TEF: variants seen among roughly 807,000 people sequenced by gnomAD.
TEF encodes the protein thyrotroph embryonic factor.
A neutral mutation model predicts 20.8 loss-of-function variants in TEF; 3 were observed. That is an observed-to-expected ratio of 0.14 (90% confidence interval 0.07 to 0.37). The LOEUF is 0.37. Among genes scored for constraint, TEF ranks in the 10% least tolerant of loss-of-function variants. The pLI, the probability that TEF is intolerant of heterozygous loss-of-function variation, is 1.00. For missense variants in TEF, 296 were observed against 397.9 expected (o/e 0.74, Z 2.18); for synonymous variants, 180 against 171.1 (o/e 1.05, Z -0.41).
rs189575842 is a variant in TEF, at chr22:41,395,977, G to A, written c.*17G>A. Reference sequence around the variant, plus strand: ...CCCTTGTAACCCGTGCCCCCCGCCCGGGCGGGGTACTGCCTGCACCTCAGA... The same window carrying A: ...CCCTTGTAACCCGTGCCCCCCGCCCAGGCGGGGTACTGCCTGCACCTCAGA... On this transcript the variant is annotated 3_prime_UTR_variant, in exon 4 of 4. Transcript: ENST00000266304. 63 of 1,603,440 alleles carry A rather than the reference G, an allele frequency of 3.9e-5. 1 individual carries two copies. Among genetic ancestry groups the A allele is most frequent in the Middle Eastern group, 3.3e-4 (2 of 5,986 alleles).
rs1377180152 is a variant in TEF at position 41,394,447 on chromosome 22, G to A, written c.696+131G>A. ...CACCATTTGGAAAGACATGAGTTTAGTGCTTAAAGCCATATCCTTCAGCAG... is the reference window on the plus strand; with the variant it reads ...CACCATTTGGAAAGACATGAGTTTAATGCTTAAAGCCATATCCTTCAGCAG... On this transcript the variant is annotated intron_variant, in intron 3 of 3. Coordinates refer to ENST00000266304, the MANE Select transcript of TEF (RefSeq NM_003216.4). The A allele has an allele frequency of 6.6e-6, 6 of 905,718 alleles. No homozygotes were observed. In the East Asian group the frequency reaches 1.3e-4, roughly 20 times the overall value. The allele number at this position is 905,718 out of a possible 1,614,324, so 56.1% of individuals were successfully genotyped here.
intron 2 of TEF, among the ~76,000 whole-genome samples, chr22:41,392,732 C>T (rs2037183199): frequency 6.8e-6 from 1 of 148,094 alleles, no homozygotes; most frequent in East Asian, 2.0e-4. Context: ...AGACATGTCT[C>T]AGGGACTCAA....
chr22:41,398,110 CT>C lies in TEF; in HGVS notation c.*2154del, dbSNP rs946129435. ...TTGGAAAGAGTGTGGCTGCTGGACT[CT>C]TTTCGAAATGCCCCTCTGAGTCAGG... On this transcript the variant is annotated 3_prime_UTR_variant, in exon 4 of 4. Coordinates refer to ENST00000266304, the MANE Select transcript of TEF (RefSeq NM_003216.4). 2 of 151,308 alleles carry C rather than the reference CT, an allele frequency of 1.3e-5. No homozygotes were observed. 9.4% of individuals were successfully genotyped at this position (151,308 alleles called of 1,614,324 possible).
chr22:41,393,715 AT>A (rs1397286768), intron 2 of TEF, among the ~76,000 whole-genome samples: 1 of 150,108 alleles, frequency 6.7e-6, no homozygotes, highest in African/African-American at 2.5e-5. Context: ...GGAGCTTGCA[AT>A]GAGCCGAGAT....
At chr22:41,381,685 G>A (rs534485462), upstream of TEF, among the ~76,000 whole-genome samples, 1 of 152,156 alleles carries the variant, frequency 6.6e-6, no homozygotes, top group Admixed American at 6.5e-5. Flanking sequence ...ACTCCAGCAG[G>A]CGCCAATCAG....
chr22:41,370,270 A>C (rs192292948), intron 1 of TEF, among the ~76,000 whole-genome samples: 1 of 151,908 alleles, frequency 6.6e-6, no homozygotes, highest in Non-Finnish European at 1.5e-5. Flanking sequence ...GCCCGCCACC[A>C]CGCCAGGCTA....
chr22:41,381,996 CG>C lies in TEF; in HGVS notation c.-43del. ...CGGGTCGCACGGCTCCGGCCCATCT[CG>C]GGGGGCGGGCGGGGGAGGCGAGGTG... On this transcript the variant is annotated 5_prime_UTR_variant, in exon 1 of 4. Coordinates refer to ENST00000266304, the MANE Select transcript of TEF (RefSeq NM_003216.4). The C allele has an allele frequency of 1.6e-6, 2 of 1,225,788 alleles. No individual in the cohort carries two copies. Among genetic ancestry groups the C allele is most frequent in the Non-Finnish European group, 2.0e-6 (2 of 985,272 alleles). 75.9% of individuals were successfully genotyped at this position (1,225,788 alleles called of 1,614,324 possible).
upstream of TEF, among the ~76,000 whole-genome samples, chr22:41,378,269 A>G (rs2036970715): frequency 6.8e-6 from 1 of 146,084 alleles, no homozygotes; most frequent in Non-Finnish European, 1.5e-5. Flanking sequence ...CCCACGTTCA[A>G]GCAATTCTCC....
At chr22:41,394,667 G>T (rs1160354264) in intron 3 of TEF, among the ~76,000 whole-genome samples, 2 of 152,250 alleles carry the variant, frequency 1.3e-5, no homozygotes, top group East Asian at 3.8e-4. Flanking sequence ...AGGGTTTCTT[G>T]TATGTTGCCA....
chr22:41,387,275 G>A (rs1388247274), intron 1 of TEF, 76 bp from the exon 2 acceptor site: 6 of 1,517,810 alleles, frequency 4.0e-6, no homozygotes, highest in East Asian at 4.5e-5. Context: ...GGCCAGGCCT[G>A]TGAGGCTCAC....
chr22:41,394,173 C>T lies in TEF; in HGVS notation c.553C>T (p.Pro185Ser). Residue 185 changes from proline (P) to serine (S), a missense_variant, in exon 3 of 4, where the codon CCG (proline) becomes TCG (serine). By Grantham distance (74) the Pro-to-Ser change is moderately conservative. This residue lies in a region of TEF where 194 missense variants were observed against 317.8 expected (regional missense o/e 0.61). Coordinates refer to ENST00000266304, the MANE Select transcript of TEF (RefSeq NM_003216.4). ...TGTGGAAGTGGATGTGAACTTCAAT[C>T]CGGACCCCGCCGACCTGGTGCTCTC... ...NCVEVDVNFN[P>S]DPADLVLSSV... 2 of 1,614,116 alleles carry T rather than the reference C, an allele frequency of 1.2e-6. No homozygotes were observed. The highest frequency in any genetic ancestry group is 1.1e-5 in the South Asian group (1 of 91,078).
At chr22:41,368,589 G>A (rs1416146503) in intron 1 of TEF, among the ~76,000 whole-genome samples, 1 of 152,204 alleles carries the variant, frequency 6.6e-6, no homozygotes, top group Non-Finnish European at 1.5e-5. Flanking sequence ...GGAACTGGGT[G>A]TGGGTTTGCT....
At chr22:41,368,696 C>T (rs566208353) in intron 1 of TEF, among the ~76,000 whole-genome samples, 7 of 152,280 alleles carry the variant, frequency 4.6e-5, no homozygotes, top group Middle Eastern at 3.4e-3. Context: ...GCAGGGGCTC[C>T]GGAGCTCTCG....
chr22:41,392,670 CAAAAAAAAAAAAAA>C (rs920294546), intron 2 of TEF, among the ~76,000 whole-genome samples: 3 of 39,328 alleles, frequency 7.6e-5, no homozygotes, highest in Non-Finnish European at 1.4e-4. Flanking sequence ...TGAGACTCTT[CAAAAAAAAAAAAAA>C]AAAAAAAAAA....
At chr22:41,385,723 GC>G (rs561684107) in intron 1 of TEF, among the ~76,000 whole-genome samples, 2,860 of 152,148 alleles carry the variant, frequency 0.019, 85 homozygotes, top group African/African-American at 0.065. Context: ...ACTCTTTGTG[GC>G]CCAGACTTGG....
chr22:41,382,340 G>C, intron 1 of TEF, 139 bp downstream of exon 1: 12 of 793,794 alleles, frequency 1.5e-5, no homozygotes, highest in South Asian at 1.2e-4. Context: ...ATGACCAGGA[G>C]CCTGGAGGAC....
At chr22:41,369,993 C>G in intron 1 of TEF, 1 of 985,446 alleles carries the variant, frequency 1.0e-6, no homozygotes, top group Non-Finnish European at 1.2e-6. Flanking sequence ...CAGAGCGTAT[C>G]TCACCTCCAG....
At chr22:41,367,457 C>T in exon 1 of TEF, 1 of 1,441,814 alleles carries the variant, frequency 6.9e-7, no homozygotes, top group South Asian at 1.3e-5. Flanking sequence ...GCCTCTCCAG[C>T]TGCCTCTGAA....
intron 1 of TEF, 23 bp downstream of exon 1, chr22:41,382,224 C>T: frequency 1.1e-6 from 1 of 887,642 alleles, no homozygotes. Flanking sequence ...GGGTGGTCCG[C>T]GCGGGCTGGG....
Sources: allele counts gnomAD v4.1 joint callset (sites outside exome capture counted in the v4.1 genomes callset), GRCh38; gene constraint gnomAD v4.1.1; regional missense constraint gnomAD v4.1.1; transcripts MANE v1.5; gene names NCBI Gene and HGNC (gene_info 2026-07-23, HGNC 2026-07-21).